Variants in GNA14 observed in about 807,000 individuals in gnomAD.
The protein encoded by GNA14 is guanine nucleotide-binding protein subunit alpha-14.
GNA14 carries 50 observed loss-of-function variants against 42.0 expected under a neutral mutation model. That is an observed-to-expected ratio of 1.19 (90% CI 0.95 to 1.51). GNA14 has a LOEUF of 1.51. Ranked by LOEUF, GNA14 falls within the 40% of genes most tolerant of loss-of-function variation. The pLI is 0.00. For missense variants in GNA14, 473 were observed against 446.2 expected (o/e 1.06, Z -0.54); for synonymous variants, 173 against 163.1 (o/e 1.06, Z -0.46).
intron 3 of GNA14, 30 bp downstream of exon 3, chr9:77,434,338 G>A (rs1042054777): frequency 4.4e-6 from 7 of 1,587,144 alleles, no homozygotes; most frequent in African/African-American, 1.4e-5. Context: ...TGAAAGCACC[G>A]CGGGCGGCCA....
chr9:77,561,290 C>A lies in GNA14; in HGVS notation c.125-32037G>T, dbSNP rs549446249. ...CTATCCCATTCTGTGGGTCAAAATA[C>A]CTTCCCAAACCAATCAAACTAATTT... On this transcript the variant is annotated intron_variant, in intron 1 of 6. Transcript: ENST00000341700. 1.1e-4 allele frequency among the ~76,000 whole-genome samples: 17 copies of A among 152,280 alleles called. No individual in the cohort carries two copies. In the East Asian group the frequency reaches 2.9e-3, roughly 26 times the overall value.
At chr9:77,639,270 C>T (rs2118027308) in intron 1 of GNA14, among the ~76,000 whole-genome samples, 1 of 152,268 alleles carries the variant, frequency 6.6e-6, no homozygotes, top group South Asian at 2.1e-4. Context: ...TTAACAAGCA[C>T]CTAAAATAAA....
intron 2 of GNA14, among the ~76,000 whole-genome samples, chr9:77,437,532 C>T (rs1160082825): frequency 6.8e-6 from 1 of 146,658 alleles, no homozygotes; most frequent in Non-Finnish European, 1.5e-5. Context: ...CAGAATGAGA[C>T]CCTGTATAAG....
chr9:77,601,168 G>GT (rs202106388), intron 1 of GNA14, among the ~76,000 whole-genome samples: 2,302 of 152,224 alleles, frequency 0.015, 31 homozygotes, highest in African/African-American at 0.044. Context: ...TTGCTGAGAC[G>GT]TTTTTTTGTT....
chr9:77,580,926 G>T (rs1371778183), intron 1 of GNA14, among the ~76,000 whole-genome samples: 1 of 151,644 alleles, frequency 6.6e-6, no homozygotes, highest in Admixed American at 6.6e-5. Flanking sequence ...GTAACCCAAA[G>T]AAGTGAAGGA....
At chr9:77,614,840 G>A (rs1315368705) in intron 1 of GNA14, among the ~76,000 whole-genome samples, 4 of 152,132 alleles carry the variant, frequency 2.6e-5, no homozygotes, top group Non-Finnish European at 4.4e-5. Flanking sequence ...AAGAGCCCAC[G>A]GGCTGACCCA....
chr9:77,514,852 A>G (rs1837226455), intron 2 of GNA14, among the ~76,000 whole-genome samples: 1 of 152,098 alleles, frequency 6.6e-6, no homozygotes, highest in Non-Finnish European at 1.5e-5. Context: ...TGTCCTTGTG[A>G]TCCGCCCACC....
At chr9:77,445,378 C>T (rs1257275978) in intron 2 of GNA14, among the ~76,000 whole-genome samples, 1 of 151,848 alleles carries the variant, frequency 6.6e-6, no homozygotes, top group Non-Finnish European at 1.5e-5. Context: ...ACCCTCCAAA[C>T]AAGGAATGCG....
chr9:77,637,243 T>C (rs73463820), intron 1 of GNA14, among the ~76,000 whole-genome samples: 5,766 of 152,298 alleles, frequency 0.038, 269 homozygotes, highest in African/African-American at 0.11. Flanking sequence ...CTTACCACTT[T>C]TCACTGTTCT....
intron 1 of GNA14, among the ~76,000 whole-genome samples, chr9:77,568,079 GTCTT>G (rs1388745029): frequency 6.6e-6 from 1 of 152,156 alleles, no homozygotes; most frequent in Non-Finnish European, 1.5e-5. Flanking sequence ...AGACAGAGTA[GTCTT>G]TCTTGTTTAT....
At chr9:77,521,405 A>T (rs1837352670) in intron 2 of GNA14, among the ~76,000 whole-genome samples, 1 of 152,182 alleles carries the variant, frequency 6.6e-6, no homozygotes, top group South Asian at 2.1e-4. Flanking sequence ...ATTTAAACAG[A>T]TGTTTTAAAA....
At chr9:77,495,388 C>T (rs1053660408) in intron 2 of GNA14, among the ~76,000 whole-genome samples, 4 of 152,014 alleles carry the variant, frequency 2.6e-5, no homozygotes, top group Admixed American at 2.6e-4. Flanking sequence ...GCCCTCTTAG[C>T]CATGGTAAGT....
intron 4 of GNA14, among the ~76,000 whole-genome samples, chr9:77,429,344 G>C (rs375451721): frequency 2.2e-4 from 33 of 152,110 alleles, no homozygotes; most frequent in African/African-American, 2.2e-4. Flanking sequence ...GTTCACTTGG[G>C]TTCTGTGACA....
chr9:77,521,818 C>T (rs867542215), intron 2 of GNA14, among the ~76,000 whole-genome samples: 2 of 152,020 alleles, frequency 1.3e-5, no homozygotes, highest in Non-Finnish European at 2.9e-5. Context: ...TTTATTTACT[C>T]ACAAGCAAAA....
intron 1 of GNA14, among the ~76,000 whole-genome samples, chr9:77,631,491 A>G (rs13295497): frequency 6.7e-6 from 1 of 148,914 alleles, no homozygotes; most frequent in Non-Finnish European, 1.5e-5. Flanking sequence ...AAAAAAAAGT[A>G]AAAAACCATC....
At chr9:77,643,538 C>A (rs1026109557) in intron 1 of GNA14, among the ~76,000 whole-genome samples, 2 of 152,188 alleles carry the variant, frequency 1.3e-5, no homozygotes, top group South Asian at 2.1e-4. Context: ...CGCACCCAAT[C>A]GGTGTTGTCA....
chr9:77,436,499 C>A (rs567717261), intron 2 of GNA14, among the ~76,000 whole-genome samples: 79 of 152,308 alleles, frequency 5.2e-4, no homozygotes, highest in South Asian at 5.0e-3. Context: ...GACTTCTAAT[C>A]CCACCACTGG....
intron 1 of GNA14, among the ~76,000 whole-genome samples, chr9:77,542,831 C>G (rs866501004): frequency 4.6e-5 from 7 of 152,222 alleles, no homozygotes; most frequent in Admixed American, 1.3e-4. Context: ...TCCCAGGCCC[C>G]TGATGGCAGG....
At position 77,647,706 on chromosome 9, in the gene GNA14, T is replaced by A. The variant is rs749143230; in HGVS notation, c.88A>T (p.Lys30Ter). The A allele has an allele frequency of 1.9e-6, 3 of 1,610,302 alleles. No individual in the cohort carries two copies. The Admixed American group carries it at 5.0e-5, about 27-fold the overall frequency. ...EIERQLRRDKKDARRELKLLL... is the reference protein window; with the variant it reads ...EIERQLRRDK ...AGCTTAAGCTCACGGCGCGCGTCCT[T>A]CTTGTCCCGACGAAGCTGTCGCTCG... Residue 30 changes from lysine (K) to a stop codon, truncating the protein, a stop_gained, in exon 1 of 7, where the codon AAG becomes TAG. Coordinates refer to ENST00000341700, the MANE Select transcript of GNA14 (RefSeq NM_004297.4). LOFTEE classifies it high-confidence loss of function.
Sources: gnomAD v4.1 joint callset for allele counts (sites outside exome capture counted in the v4.1 genomes callset) on GRCh38, gnomAD v4.1.1 for gene constraint, MANE v1.5 for transcripts, NCBI Gene and HGNC (gene_info 2026-07-23, HGNC 2026-07-21) for gene names.